CFAP97D1: variants seen among roughly 807,000 people sequenced by gnomAD.
CFAP97D1 encodes the protein CFAP97 domain containing 1.
In CFAP97D1, 15 loss-of-function variants were observed where a neutral mutation model predicts 20.5. That is an observed-to-expected ratio of 0.73 (90% CI 0.49 to 1.13). The LOEUF (loss-of-function observed/expected upper bound fraction) is 1.13, where lower values mean the gene tolerates loss of function less well. Ranked by LOEUF, CFAP97D1 falls within the 50% of genes most tolerant of loss-of-function variation. The pLI is 0.00. For missense variants in CFAP97D1, 168 were observed against 202.9 expected, an observed-to-expected ratio of 0.83 and a Z score of 1.04; for synonymous variants, 58 against 71.2, an observed-to-expected ratio of 0.82 and a Z score of 0.93.
At position 43,783,910 on chromosome 17, in the gene CFAP97D1, A is replaced by G. The variant is rs756060150; in HGVS notation, c.*17A>G. 27 of 1,537,912 alleles carry G rather than the reference A, an allele frequency of 1.8e-5. No homozygotes were observed. In the African/African-American group the frequency reaches 2.3e-4, roughly 13 times the overall value. ...AATGAATAGGTATGTCTCTCTTACT[A>G]TCAAACACTGTGACCACAGCTGATA... On this transcript the variant is annotated intron_variant, in intron 5 of 5. Coordinates refer to ENST00000449302, the MANE Select transcript of CFAP97D1 (RefSeq NM_001136483.3).
At chr17:43,782,357 G>T (rs1023275602) in intron 3 of CFAP97D1, among the ~76,000 whole-genome samples, 2 of 152,182 alleles carry the variant, frequency 1.3e-5, no homozygotes, top group South Asian at 2.1e-4. Flanking sequence ...GGAGAAAGAG[G>T]CTTCTTTCAT....
rs568702441 is a variant in CFAP97D1, at chr17:43,786,884, T to C, written c.*2502T>C. On this transcript the variant is annotated 3_prime_UTR_variant, in exon 6 of 6. Coordinates refer to ENST00000449302, the MANE Select transcript of CFAP97D1 (RefSeq NM_001136483.3). Reference sequence around the variant, plus strand: ...TTTATTGCTGAGTAGTATTCCATGGTATGGACATGCTACAATATATTTAAC... The same window carrying C: ...TTTATTGCTGAGTAGTATTCCATGGCATGGACATGCTACAATATATTTAAC... 6 of 152,320 alleles carry C rather than the reference T, an allele frequency of 3.9e-5. No individual in the cohort carries two copies. In the South Asian group the frequency reaches 1.2e-3, roughly 32 times the overall value. 9.4% of individuals were successfully genotyped at this position (152,320 alleles called of 1,614,324 possible). A position where few individuals can be genotyped will look rare whatever the true frequency, so the allele number is the denominator to read the frequency against.
chr17:43,783,127 C>G (rs1360220943), intron 3 of CFAP97D1, 53 bp from the exon 4 acceptor site: 1 of 1,548,948 alleles, frequency 6.5e-7, no homozygotes, highest in Admixed American at 2.0e-5. Context: ...CTCCCCCACT[C>G]GTCAAGATGA....
rs566288378 is a variant in CFAP97D1, at chr17:43,781,269, C to T, written c.195+80C>T. On this transcript the variant is annotated intron_variant, in intron 2 of 5. Coordinates refer to ENST00000449302, the MANE Select transcript of CFAP97D1 (RefSeq NM_001136483.3). ...TGTTTCCTAAAGAGGTTCAATTTCC[C>T]AGAGCCTTCTAAATACCCATCTACT... The T allele has an allele frequency of 1.8e-4, 207 of 1,181,518 alleles. No homozygotes were observed. The East Asian group carries it at 4.2e-3, about 24-fold the overall frequency. 73.2% of individuals were successfully genotyped at this position (1,181,518 alleles called of 1,614,324 possible).
chr17:43,783,394 TAG>T (rs1295441857), intron 4 of CFAP97D1, 91 bp downstream of exon 4: 5 of 1,445,020 alleles, frequency 3.5e-6, no homozygotes, highest in African/African-American at 1.4e-5. Flanking sequence ...CCTGAACAGC[TAG>T]AGTCAGATCA....
rs1974499188 is a variant in CFAP97D1, at chr17:43,783,845, G to A, written c.447G>A (p.Arg149=). Residue 149 remains arginine, a synonymous_variant, in exon 5 of 6, where the codon AGG becomes AGA. Transcript: ENST00000449302. The stretch of plus-strand genomic sequence containing the variant: ...AATTTTTTTCCTTCAAGAATTCAAG[G>A]CGCTATATCAGAAATACCACGAGAT... ...RASEIDWQNS[R]RYIRNTTRYL... 1 of 1,549,734 alleles carries A rather than the reference G, an allele frequency of 6.5e-7. No individual in the cohort carries two copies. The highest frequency in any genetic ancestry group is 8.7e-7 in the Non-Finnish European group (1 of 1,146,514).
rs948762466 is a variant in CFAP97D1 at position 43,783,807 on chromosome 17, A to G, written c.439-30A>G. 1.5e-5 allele frequency: 23 copies of G among 1,516,720 alleles called. No individual in the cohort carries two copies. The Admixed American group carries it at 2.9e-4, about 19-fold the overall frequency. 94.0% of individuals were successfully genotyped at this position (1,516,720 alleles called of 1,614,324 possible). Reference sequence around the variant, plus strand: ...TCAGTAATAGCACCAATGCCCTGGCATTGACATAAACCAATTTTTTTCCTT... The same window carrying G: ...TCAGTAATAGCACCAATGCCCTGGCGTTGACATAAACCAATTTTTTTCCTT... On this transcript the variant is annotated intron_variant, in intron 4 of 5. Coordinates refer to ENST00000449302, the MANE Select transcript of CFAP97D1 (RefSeq NM_001136483.3).
At chr17:43,781,728 C>A in intron 2 of CFAP97D1, 46 bp from the exon 3 acceptor site, 2 of 1,192,436 alleles carry the variant, frequency 1.7e-6, no homozygotes, top group East Asian at 2.5e-5. Context: ...TGTGTTGGGG[C>A]AGTGCACTGA....
At position 43,780,550 on chromosome 17, in the gene CFAP97D1, G is replaced by A. The variant is rs1460969838; in HGVS notation, c.88G>A (p.Gly30Ser). 1.9e-6 allele frequency: 3 copies of A among 1,551,682 alleles called. No individual in the cohort carries two copies. The highest frequency in any genetic ancestry group is 2.7e-5 in the African/African-American group (2 of 73,152). The stretch of plus-strand genomic sequence containing the variant: ...AACCTTCAGAAAGAAACTGGACTTT[G>A]GCCACTACGTATCTCACAAGAATAG... ...STTFRKKLDF[G>S]HYVSHKNRIQ... The change falls in exon 1 of 6, where the codon GGC becomes AGC. Residue 30 changes from glycine (G) to serine (S), a missense_variant. By Grantham distance (56) the Gly-to-Ser change is moderately conservative. Transcript: ENST00000449302.
chr17:43,783,297 C>T lies in CFAP97D1; in HGVS notation c.432C>T (p.Asp144=), dbSNP rs1974494059. 1.3e-6 allele frequency: 2 copies of T among 1,551,238 alleles called. No homozygotes were observed. Among genetic ancestry groups the T allele is most frequent in the African/African-American group, 2.7e-5 (2 of 73,114 alleles). Residue 144 remains aspartate (D), a synonymous_variant, in exon 4 of 6, where the codon GAC becomes GAT. Coordinates refer to ENST00000449302, the MANE Select transcript of CFAP97D1 (RefSeq NM_001136483.3). ...PHYDRRASEI[D]WQNSRRYIRN... ...ATGACCGCAGGGCATCTGAGATAGA[C>T]TGGCAGGCACGTGGGCACTCATGTT...
chr17:43,781,722 T>A (rs1005707727), intron 2 of CFAP97D1, 52 bp from the exon 3 acceptor site: 211 of 1,139,686 alleles, frequency 1.9e-4, no homozygotes, highest in Non-Finnish European at 2.6e-4. Context: ...TCATTGTGTG[T>A]TGGGGCAGTG....
chr17:43,783,201 C>G lies in CFAP97D1; in HGVS notation c.336C>G (p.Asn112Lys). 1 of 1,551,596 alleles carries G rather than the reference C, an allele frequency of 6.4e-7. No individual in the cohort carries two copies. Among genetic ancestry groups the G allele is most frequent in the South Asian group, 1.2e-5 (1 of 84,056 alleles). Residue 112 changes from asparagine to lysine, a missense_variant, in exon 4 of 6, where the codon AAC becomes AAG. Transcript: ENST00000449302. ...TCAGCTTAAACAGAGAAACAAGGAA[C>G]CGCGAGCTAGTGAGAATCACCATGG... ...FSKSLNRETR[N>K]RELVRITMEN...
Position 43,781,781 on chromosome 17 carries a change from A to C in CFAP97D1, c.203A>C (p.Gln68Pro). ...GGTGTGGTTTCTTACCAGGGTGAAC[A>C]AAAGAAAATCAACAAAATCGAGTAT... ...ILKLSKLQGEQKKINKIEYEN... is the reference protein window; with the variant it reads ...ILKLSKLQGEPKKINKIEYEN... Residue 68 changes from glutamine to proline, a missense_variant, in exon 3 of 6, where the codon CAA becomes CCA. Physicochemically the swap from Gln to Pro is moderately conservative, Grantham distance 76. Coordinates refer to ENST00000449302, the MANE Select transcript of CFAP97D1 (RefSeq NM_001136483.3). The C allele has an allele frequency of 6.4e-7, 1 of 1,550,822 alleles. No individual in the cohort carries two copies. Among genetic ancestry groups the C allele is most frequent in the Non-Finnish European group, 8.7e-7 (1 of 1,146,182 alleles).
chr17:43,782,740 C>T (rs943768853), intron 3 of CFAP97D1: 3 of 158,820 alleles, frequency 1.9e-5, no homozygotes, highest in Non-Finnish European at 2.8e-5. Flanking sequence ...GTCAAGATGC[C>T]ATTCTATATC....
At chr17:43,781,721 GT>G (rs1399670672) in intron 2 of CFAP97D1, 52 bp from the exon 3 acceptor site, 4 of 1,147,834 alleles carry the variant, frequency 3.5e-6, no homozygotes, top group Non-Finnish European at 5.1e-6. Context: ...GTCATTGTGT[GT>G]TGGGGCAGTG....
chr17:43,783,063 A>G, intron 3 of CFAP97D1, 117 bp from the exon 4 acceptor site: 5 of 1,307,528 alleles, frequency 3.8e-6, no homozygotes, highest in Non-Finnish European at 5.3e-6. Context: ...GCTCAGCAGG[A>G]CAGTTTACTC....
chr17:43,783,875 T>C lies in CFAP97D1; in HGVS notation c.477T>C (p.Leu159=). Residue 159 remains leucine (L), a synonymous_variant, in exon 5 of 6, where the codon CTT becomes CTC. Transcript: ENST00000449302. ...ATATCAGAAATACCACGAGATATCT[T>C]CTCTCCCAAAATGAATAGGTATGTC... ...RRYIRNTTRY[L]LSQNE 8 of 1,550,384 alleles carry C rather than the reference T, an allele frequency of 5.2e-6. No homozygotes were observed. The highest frequency in any genetic ancestry group is 7.0e-6 in the Non-Finnish European group (8 of 1,146,562).
Position 43,787,345 on chromosome 17 carries a change from G to A in CFAP97D1, c.*2963G>A, listed in dbSNP as rs1280019719. The A allele has an allele frequency of 6.6e-6, 1 of 152,200 alleles. No homozygotes were observed. The highest frequency in any genetic ancestry group is 2.4e-5 in the African/African-American group (1 of 41,444). 9.4% of individuals were successfully genotyped at this position (152,200 alleles called of 1,614,324 possible). A position where few individuals can be genotyped will look rare whatever the true frequency, so the allele number is the denominator to read the frequency against. ...CCTTTGCCTGCTATGCGCCTTGCAT[G>A]TATTTTTCTCCCAGTCTATAATTTG... On this transcript the variant is annotated 3_prime_UTR_variant, in exon 6 of 6. Coordinates refer to ENST00000449302, the MANE Select transcript of CFAP97D1 (RefSeq NM_001136483.3).
At chr17:43,782,952 C>T (rs1489484183) in intron 3 of CFAP97D1, 2 of 542,372 alleles carry the variant, frequency 3.7e-6, no homozygotes, top group Non-Finnish European at 6.6e-6. Context: ...AGAATCTTCT[C>T]ATGGGCAACA....
Sources: gnomAD v4.1 joint callset for allele counts (sites outside exome capture counted in the v4.1 genomes callset) on GRCh38, gnomAD v4.1.1 for gene constraint, MANE v1.5 for transcripts, NCBI Gene and HGNC (gene_info 2026-07-23, HGNC 2026-07-21) for gene names.